Variants in THSD7B observed in about 807,000 individuals in gnomAD.
The protein encoded by THSD7B is thrombospondin type-1 domain-containing protein 7B.
A neutral mutation model predicts 213.6 loss-of-function variants in THSD7B; 138 were observed. The observed-to-expected ratio is 0.65, with a 90% CI of 0.56 to 0.74. The LOEUF is 0.74. Among genes scored for constraint, THSD7B ranks in the 30% least tolerant of loss-of-function variants. The pLI, the probability that THSD7B is intolerant of heterozygous loss-of-function variation, is 0.00. For missense variants in THSD7B, 1,931 were observed against 1,991.5 expected, an observed-to-expected ratio of 0.97 and a Z score of 0.58; for synonymous variants, 742 against 687.0, an observed-to-expected ratio of 1.08 and a Z score of -1.25.
chr2:136,794,419 T>G (rs1271822932), intron 1 of THSD7B, among the ~76,000 whole-genome samples: 1 of 151,892 alleles, frequency 6.6e-6, no homozygotes, highest in Non-Finnish European at 1.5e-5. Context: ...TTCATTCACT[T>G]CAAACATTTT....
At chr2:137,598,628 A>T (rs1211135397) in intron 17 of THSD7B, among the ~76,000 whole-genome samples, 1 of 152,218 alleles carries the variant, frequency 6.6e-6, no homozygotes, top group Non-Finnish European at 1.5e-5. Context: ...GCTTGTTGTG[A>T]ATAATGTAAA....
intron 2 of THSD7B, among the ~76,000 whole-genome samples, chr2:136,915,097 A>G (rs976190085): frequency 9.2e-5 from 14 of 152,332 alleles, no homozygotes; most frequent in Admixed American, 5.9e-4. Context: ...TTGGGGCATG[A>G]AACATCACAA....
In THSD7B at chr2:137,538,767, T is replaced by C. The variant is rs1160677335; in HGVS notation, c.3139-24454T>C. 2.0e-5 allele frequency among the ~76,000 whole-genome samples: 3 copies of C among 151,688 alleles called. No individual in the cohort carries two copies. In the East Asian group the frequency reaches 5.8e-4, roughly 29 times the overall value. ...TGGCCATGCCTGGCTTATTTTACGA[T>C]AGGAAGAAAACAATGCTCTGAGATT... On this transcript the variant is annotated intron_variant, in intron 15 of 27. Coordinates refer to ENST00000409968, the MANE Select transcript of THSD7B (RefSeq NM_001316349.2).
chr2:137,097,004 C>A (rs1362060959), intron 4 of THSD7B, among the ~76,000 whole-genome samples: 1 of 152,152 alleles, frequency 6.6e-6, no homozygotes, highest in Admixed American at 6.5e-5. Flanking sequence ...ATAATAATTT[C>A]ATGAGGTAGA....
intron 14 of THSD7B, among the ~76,000 whole-genome samples, chr2:137,425,445 G>C (rs1211543084): frequency 6.6e-6 from 1 of 152,120 alleles, no homozygotes; most frequent in Non-Finnish European, 1.5e-5. Context: ...TCAAACTCCT[G>C]ACCTCAGGTG....
chr2:137,458,825 A>G (rs1482948777), intron 15 of THSD7B, among the ~76,000 whole-genome samples: 1 of 152,146 alleles, frequency 6.6e-6, no homozygotes, highest in Non-Finnish European at 1.5e-5. Context: ...TATTTGGTGC[A>G]CTGTCTCCAT....
At chr2:137,328,755 C>A (rs1202133792) in intron 12 of THSD7B, among the ~76,000 whole-genome samples, 3 of 152,126 alleles carry the variant, frequency 2.0e-5, no homozygotes, top group Admixed American at 2.0e-4. Context: ...GTGGCAGTTT[C>A]CCCTATGCTA....
intron 12 of THSD7B, among the ~76,000 whole-genome samples, chr2:137,306,535 C>T (rs1683751179): frequency 1.3e-5 from 2 of 152,008 alleles, no homozygotes; most frequent in Non-Finnish European, 1.5e-5. Context: ...TTATTCTCAT[C>T]GTCATTTATT....
intron 7 of THSD7B, among the ~76,000 whole-genome samples, chr2:137,216,886 C>T (rs1354856832): frequency 6.6e-6 from 1 of 152,156 alleles, no homozygotes; most frequent in Non-Finnish European, 1.5e-5. Context: ...TCTAGGTTAG[C>T]TGCCTAGTTG....
chr2:137,114,985 G>T, intron 4 of THSD7B, 139 bp from the exon 5 acceptor site: 1 of 847,420 alleles, frequency 1.2e-6, no homozygotes, highest in Non-Finnish European at 1.8e-6. Context: ...TTCAAAGCTA[G>T]TATACTTCTT....
chr2:137,473,592 A>C (rs543056595), intron 15 of THSD7B, among the ~76,000 whole-genome samples: 1 of 152,302 alleles, frequency 6.6e-6, no homozygotes, highest in South Asian at 2.1e-4. Context: ...GAATTATTTT[A>C]TGCTCACTTC....
At chr2:136,859,951 G>A (rs1164930094) in intron 1 of THSD7B, among the ~76,000 whole-genome samples, 2 of 151,446 alleles carry the variant, frequency 1.3e-5, no homozygotes, top group African/African-American at 4.8e-5. Flanking sequence ...CCAGAAACTG[G>A]TGTTGGAGGA....
intron 2 of THSD7B, among the ~76,000 whole-genome samples, chr2:136,924,737 A>C (rs1684493643): frequency 6.6e-6 from 1 of 152,096 alleles, no homozygotes; most frequent in African/African-American, 2.4e-5. Context: ...TTTCATAAGG[A>C]TTGCAATGAA....
chr2:137,229,869 G>A (rs991310392), intron 7 of THSD7B, among the ~76,000 whole-genome samples: 1 of 152,126 alleles, frequency 6.6e-6, no homozygotes, highest in African/African-American at 2.4e-5. Context: ...AAAACACAGT[G>A]CCTGGCGCAA....
chr2:137,343,820 G>A (rs1684813223), intron 12 of THSD7B, among the ~76,000 whole-genome samples: 1 of 151,108 alleles, frequency 6.6e-6, no homozygotes, highest in Admixed American at 6.6e-5. Flanking sequence ...AAAAATGGTA[G>A]AAAATATAAT....
At chr2:137,434,111 C>A (rs563048771) in intron 14 of THSD7B, among the ~76,000 whole-genome samples, 1 of 152,298 alleles carries the variant, frequency 6.6e-6, no homozygotes, top group East Asian at 1.9e-4. Context: ...ACCAAGCATT[C>A]CCACTCAGCA....
chr2:137,140,000 TAG>T (rs1291326021), intron 5 of THSD7B, among the ~76,000 whole-genome samples: 1 of 151,700 alleles, frequency 6.6e-6, no homozygotes, highest in Non-Finnish European at 1.5e-5. Context: ...TAAAAATTTA[TAG>T]AGAGAATATG....
intron 2 of THSD7B, among the ~76,000 whole-genome samples, chr2:136,955,694 G>T (rs1229454870): frequency 1.8e-4 from 27 of 152,132 alleles, no homozygotes; most frequent in Admixed American, 1.8e-3. Context: ...TAAAAGCAGG[G>T]CAATCGTGAG....
At position 137,667,933 on chromosome 2, in the gene THSD7B, C is replaced by G. The variant is rs1455178832; in HGVS notation, c.4739+72C>G. The G allele has an allele frequency of 3.2e-6, 4 of 1,262,714 alleles. No homozygotes were observed. The East Asian group carries it at 1.0e-4, about 33-fold the overall frequency. The allele number at this position is 1,262,714 out of a possible 1,614,324, so 78.2% of individuals were successfully genotyped here. On this transcript the variant is annotated intron_variant, in intron 27 of 27. Coordinates refer to ENST00000409968, the MANE Select transcript of THSD7B (RefSeq NM_001316349.2). ...TTCATGTTATACTTAAAACAAGTAT[C>G]TCAGGATCATTGCCCATTATAACAG...
Sources: gnomAD v4.1 joint callset for allele counts (sites outside exome capture counted in the v4.1 genomes callset) on GRCh38, gnomAD v4.1.1 for gene constraint, MANE v1.5 for transcripts, NCBI Gene and HGNC (gene_info 2026-07-23, HGNC 2026-07-21) for gene names.